JARID2: variants seen among roughly 807,000 people sequenced by gnomAD.
JARID2 encodes protein Jumonji.
A neutral mutation model predicts 125.6 loss-of-function variants in JARID2; 21 were observed. The ratio of observed to expected loss-of-function variants is 0.17; its 90% CI spans 0.12 to 0.24. JARID2 has a LOEUF of 0.24. Among genes scored for constraint, JARID2 ranks in the 10% least tolerant of loss-of-function variants. JARID2 has a pLI of 1.00. For missense variants in JARID2, 1,303 were observed against 1,639.6 expected, an observed-to-expected ratio of 0.79 and a Z score of 3.55; for synonymous variants, 736 against 661.6, an observed-to-expected ratio of 1.11 and a Z score of -1.73.
At chr6:15,246,702 T>C in intron 1 of JARID2, 118 bp downstream of exon 1, 2 of 901,338 alleles carry the variant, frequency 2.2e-6, no homozygotes, top group Non-Finnish European at 3.5e-6. Context: ...GATAAGGCTG[T>C]TTCTTTTTTT....
In JARID2 at chr6:15,520,435, C is replaced by T. The variant is rs1366152659; in HGVS notation, c.*184C>T. ...TGAACTTTTTTTTGTACTTAGAAAA[C>T]CTAGATACTGCAGTCAGATTTTGGA... On this transcript the variant is annotated 3_prime_UTR_variant, in exon 18 of 18. Coordinates refer to ENST00000341776, the MANE Select transcript of JARID2 (RefSeq NM_004973.4). The T allele has an allele frequency of 4.0e-6, 2 of 502,240 alleles. No individual in the cohort carries two copies. Among genetic ancestry groups the T allele is most frequent in the Non-Finnish European group, 6.8e-6 (2 of 292,652 alleles). 31.1% of individuals were successfully genotyped at this position (502,240 alleles called of 1,614,324 possible). A position where few individuals can be genotyped will look rare whatever the true frequency, so the allele number is the denominator to read the frequency against.
At chr6:15,354,141 G>A (rs576969504) in intron 1 of JARID2, among the ~76,000 whole-genome samples, 1 of 152,322 alleles carries the variant, frequency 6.6e-6, no homozygotes, top group Non-Finnish European at 1.5e-5. Flanking sequence ...TGAGCCCAAT[G>A]TAATCACAAG....
intron 1 of JARID2, among the ~76,000 whole-genome samples, chr6:15,294,132 TC>T (rs976776176): frequency 2.0e-5 from 3 of 152,162 alleles, no homozygotes; most frequent in African/African-American, 7.2e-5. Flanking sequence ...TTTGAAAGCT[TC>T]CAGGAAAAGG....
In JARID2 at chr6:15,511,913, G is replaced by A. The variant is rs569447946; in HGVS notation, c.2953-295G>A. Reference sequence around the variant, plus strand: ...CCTACTTGGCTCTGGAGATGAGCCCGGCAGCCTCCTGGTTGTGTAACCTTG... The same window carrying A: ...CCTACTTGGCTCTGGAGATGAGCCCAGCAGCCTCCTGGTTGTGTAACCTTG... On this transcript the variant is annotated intron_variant, in intron 13 of 17. Coordinates refer to ENST00000341776, the MANE Select transcript of JARID2 (RefSeq NM_004973.4). 1.2e-4 allele frequency among the ~76,000 whole-genome samples: 19 copies of A among 152,286 alleles called. 1 individual carries two copies. Among genetic ancestry groups the A allele is most frequent in the African/African-American group, 3.4e-4 (14 of 41,556 alleles).
At chr6:15,258,598 A>G (rs1009349323) in intron 1 of JARID2, among the ~76,000 whole-genome samples, 2 of 152,226 alleles carry the variant, frequency 1.3e-5, no homozygotes, top group African/African-American at 4.8e-5. Flanking sequence ...CCTGACTAAC[A>G]TGGTGAAAAC....
chr6:15,508,298 G>C (rs1245118000), intron 11 of JARID2, 42 bp from the exon 12 acceptor site: 1 of 964,086 alleles, frequency 1.0e-6, no homozygotes, highest in Non-Finnish European at 1.7e-6. Flanking sequence ...AGACCTTGTT[G>C]CCTAGCTTTT....
chr6:15,361,338 G>T (rs149264140), intron 1 of JARID2, among the ~76,000 whole-genome samples: 27 of 152,272 alleles, frequency 1.8e-4, no homozygotes, highest in African/African-American at 6.3e-4. Flanking sequence ...TGCAGTCAGT[G>T]CTCAAAGTCT....
At chr6:15,326,756 C>G (rs990957282) in intron 1 of JARID2, among the ~76,000 whole-genome samples, 7 of 152,210 alleles carry the variant, frequency 4.6e-5, no homozygotes, top group Admixed American at 4.6e-4. Context: ...CCACCTTGGC[C>G]TCCGAAAGTT....
At position 15,437,688 on chromosome 6, in the gene JARID2, A is replaced by G. The variant is rs189960508; in HGVS notation, c.324-14318A>G. Among the ~76,000 whole-genome samples, 510 of 152,248 alleles carry G rather than the reference A, an allele frequency of 3.3e-3. 5 individuals carry two copies. The highest frequency in any genetic ancestry group is 2.2e-3 in the Non-Finnish European group (149 of 67,998). On this transcript the variant is annotated intron_variant, in intron 3 of 17. Coordinates refer to ENST00000341776, the MANE Select transcript of JARID2 (RefSeq NM_004973.4). ...GAGTTCACAAAGAAATGTGACTCTA[A>G]GAGGAGGTTAGAATTTACCATCCTA...
intron 3 of JARID2, among the ~76,000 whole-genome samples, chr6:15,439,743 G>C (rs934573605): frequency 3.3e-5 from 5 of 150,832 alleles, no homozygotes; most frequent in African/African-American, 1.2e-4. Flanking sequence ...AATTGTCATG[G>C]AGTTAAAATG....
chr6:15,422,703 G>C (rs60535196), intron 3 of JARID2, among the ~76,000 whole-genome samples: 4,716 of 152,256 alleles, frequency 0.031, 240 homozygotes, highest in African/African-American at 0.11. Context: ...CCCACCATGG[G>C]TGTCTACACA....
intron 3 of JARID2, among the ~76,000 whole-genome samples, chr6:15,412,133 T>C (rs1220232396): frequency 6.6e-5 from 10 of 152,250 alleles, no homozygotes; most frequent in African/African-American, 2.4e-4. Context: ...AGTATCTTAC[T>C]GAATTAAGGA....
At chr6:15,371,419 A>G (rs1237498873) in intron 1 of JARID2, among the ~76,000 whole-genome samples, 2 of 152,222 alleles carry the variant, frequency 1.3e-5, no homozygotes, top group Non-Finnish European at 2.9e-5. Flanking sequence ...TGAGAATAGG[A>G]ACCTGGTGGT....
At chr6:15,504,999 G>A (rs1164291277) in intron 9 of JARID2, among the ~76,000 whole-genome samples, 2 of 152,124 alleles carry the variant, frequency 1.3e-5, no homozygotes, top group Non-Finnish European at 2.9e-5. Flanking sequence ...TATTTAATGG[G>A]ATTGGCAGAT....
chr6:15,323,144 G>A (rs1762413618), intron 1 of JARID2, among the ~76,000 whole-genome samples: 2 of 152,214 alleles, frequency 1.3e-5, no homozygotes, highest in African/African-American at 4.8e-5. Flanking sequence ...TCTGTGGTAC[G>A]AAACCTCTTA....
At chr6:15,436,711 A>G (rs1440629700) in intron 3 of JARID2, among the ~76,000 whole-genome samples, 1 of 151,942 alleles carries the variant, frequency 6.6e-6, no homozygotes, top group Non-Finnish European at 1.5e-5. Flanking sequence ...CTTGTTGCCT[A>G]CCACCTGCGA....
intron 2 of JARID2, among the ~76,000 whole-genome samples, chr6:15,374,641 C>CTCTG (rs1764286693): frequency 6.6e-6 from 1 of 152,174 alleles, no homozygotes; most frequent in African/African-American, 2.4e-5. Context: ...TTTTCCTGCT[C>CTCTG]TCTGGCTCAG....
chr6:15,514,672 TAAAAA>T (rs1160353374), intron 16 of JARID2, among the ~76,000 whole-genome samples: 1 of 152,158 alleles, frequency 6.6e-6, no homozygotes, highest in Non-Finnish European at 1.5e-5. Context: ...TTGAAAGAGC[TAAAAA>T]CTCGGTGTGT....
chr6:15,302,089 T>C (rs1038335902), intron 1 of JARID2, among the ~76,000 whole-genome samples: 15 of 152,200 alleles, frequency 9.9e-5, no homozygotes, highest in African/African-American at 3.4e-4. Context: ...ATTTTACAGG[T>C]ATTTTACCAT....
Sources: allele counts gnomAD v4.1 joint callset (sites outside exome capture counted in the v4.1 genomes callset), GRCh38; gene constraint gnomAD v4.1.1; transcripts MANE v1.5; gene names NCBI Gene and HGNC (gene_info 2026-07-23, HGNC 2026-07-21).